The following RPL13A variants were observed in gnomAD, a reference collection of about 807,000 sequenced individuals.
The protein encoded by RPL13A is ribosomal protein L13a.
RPL13A carries 4 observed loss-of-function variants against 30.8 expected under a neutral mutation model. The observed-to-expected ratio is 0.13, with a 90% CI of 0.06 to 0.30. RPL13A has a LOEUF of 0.30. RPL13A is among the 10% of genes least tolerant of loss of function. The pLI, the probability that RPL13A is intolerant of heterozygous loss-of-function variation, is 1.00. For missense variants in RPL13A, 196 were observed against 272.6 expected, an observed-to-expected ratio of 0.72 and a Z score of 1.98; for synonymous variants, 108 against 104.2, an observed-to-expected ratio of 1.04 and a Z score of -0.22.
chr19:49,491,127 T>C (rs749585072), intron 6 of RPL13A, 28 bp downstream of exon 6: 2 of 1,613,530 alleles, frequency 1.2e-6, no homozygotes, highest in South Asian at 1.1e-5. Flanking sequence ...CTGCACCATC[T>C]ACTTGGGAGA....
At chr19:49,488,941 A>G (rs1601159418) in intron 1 of RPL13A, among the ~76,000 whole-genome samples, 2 of 151,654 alleles carry the variant, frequency 1.3e-5, no homozygotes. Context: ...CCTGACCTCA[A>G]CTGATCTGCC....
intron 7 of RPL13A, 29 bp downstream of exon 7, chr19:49,491,576 G>T: frequency 2.6e-6 from 4 of 1,553,968 alleles, no homozygotes; most frequent in South Asian, 1.2e-5. Flanking sequence ...GCTGAGGGGG[G>T]CATCTCACTC....
Position 49,490,152 on chromosome 19 carries a change from CTG to C in RPL13A, c.89-76_89-75del. 13 of 1,348,142 alleles carry C rather than the reference CTG, an allele frequency of 9.6e-6. 1 individual carries two copies. In the South Asian group the frequency reaches 1.4e-4, roughly 15 times the overall value. 83.5% of individuals were successfully genotyped at this position (1,348,142 alleles called of 1,614,324 possible). A position where few individuals can be genotyped will look rare whatever the true frequency, so the allele number is the denominator to read the frequency against. On this transcript the variant is annotated intron_variant, in intron 2 of 7. Transcript: ENST00000391857. Reference sequence around the variant, plus strand: ...GAACTTAGCTCTGGCAAGTACTGCGCTGTGTCTGGAGGGTGACTGCATAGGCA... The same window carrying C: ...GAACTTAGCTCTGGCAAGTACTGCGCTGTCTGGAGGGTGACTGCATAGGCA...
chr19:49,489,122 C>T (rs1433113304), intron 1 of RPL13A, among the ~76,000 whole-genome samples: 3 of 152,186 alleles, frequency 2.0e-5, no homozygotes, highest in Non-Finnish European at 2.9e-5. Context: ...AATCTCATCC[C>T]ACCTGAAATT....
chr19:49,488,298 C>A (rs1448913989), intron 1 of RPL13A, among the ~76,000 whole-genome samples: 1 of 152,056 alleles, frequency 6.6e-6, no homozygotes, highest in Non-Finnish European at 1.5e-5. Context: ...GATGGGACAT[C>A]TTTTGGGCCT....
chr19:49,492,109 T>C lies in RPL13A; in HGVS notation c.*294T>C, dbSNP rs1313625255. On this transcript the variant is annotated 3_prime_UTR_variant, in exon 8 of 8. Coordinates refer to ENST00000391857, the MANE Select transcript of RPL13A (RefSeq NM_012423.4). The stretch of plus-strand genomic sequence containing the variant: ...GGCCCTATCTTGTGAGTGGGGCATC[T>C]GTTGGACTTTCCACCTGGTCATATA... 2 of 372,826 alleles carry C rather than the reference T, an allele frequency of 5.4e-6. No homozygotes were observed. Among genetic ancestry groups the C allele is most frequent in the Admixed American group, 8.0e-5 (2 of 25,088 alleles). 23.1% of individuals were successfully genotyped at this position (372,826 alleles called of 1,614,324 possible). A position where few individuals can be genotyped will look rare whatever the true frequency, so the allele number is the denominator to read the frequency against.
chr19:49,491,400 T>TCCCCCCCCC, intron 6 of RPL13A, 25 bp from the exon 7 acceptor site: 4 of 976,862 alleles, frequency 4.1e-6, no homozygotes, highest in South Asian at 2.9e-5. Context: ...CTTCATTTGT[T>TCCCCCCCCC]CACCCCCCCC....
In RPL13A at chr19:49,491,528, G is replaced by A. The variant is rs568519548; in HGVS notation, c.506G>A (p.Arg169Gln). 1.2e-5 allele frequency: 19 copies of A among 1,521,610 alleles called. No individual in the cohort carries two copies. The highest frequency in any genetic ancestry group is 2.8e-5 in the African/African-American group (2 of 72,318). The allele number at this position is 1,521,610 out of a possible 1,614,324, so 94.3% of individuals were successfully genotyped here. A position where few individuals can be genotyped will look rare whatever the true frequency, so the allele number is the denominator to read the frequency against. ...AAAGAGAAAGCCAAGATCCACTACC[G>A]GAAGAAGAAACAGCTCATGGTGAGG... The part of the protein sequence containing the change: ...KRKEKAKIHY[R>Q]KKKQLMRLRK... The change falls in exon 7 of 8, where the codon CGG becomes CAG. Residue 169 changes from arginine (R) to glutamine (Q), a missense_variant. By Grantham distance (43) the Arg-to-Gln change is conservative. Transcript: ENST00000391857.
At chr19:49,487,948 G>A (rs550031843) in intron 1 of RPL13A, among the ~76,000 whole-genome samples, 1 of 152,202 alleles carries the variant, frequency 6.6e-6, no homozygotes, top group Non-Finnish European at 1.5e-5. Flanking sequence ...CCCTGGGGTA[G>A]AGTCTTGGCC....
At position 49,490,775 on chromosome 19, in the gene RPL13A, A is replaced by C. The variant is rs1370543025; in HGVS notation, c.257-4A>C. 6 of 1,613,998 alleles carry C rather than the reference A, an allele frequency of 3.7e-6. No homozygotes were observed. Among genetic ancestry groups the C allele is most frequent in the Admixed American group, 1.7e-5 (1 of 60,006 alleles). On this transcript the variant is annotated splice_polypyrimidine_tract_variant and splice_region_variant and intron_variant, in intron 4 of 7. Transcript: ENST00000391857. ...GACTGGGCCTGCTATCTGTCACCCAACAGGTATGCTGCCCCACAAAACCAA... is the reference window on the plus strand; with the variant it reads ...GACTGGGCCTGCTATCTGTCACCCACCAGGTATGCTGCCCCACAAAACCAA...
At chr19:49,490,983 G>C (rs200408647) in intron 5 of RPL13A, 57 bp from the exon 6 acceptor site, 2 of 1,609,248 alleles carry the variant, frequency 1.2e-6, no homozygotes, top group Non-Finnish European at 1.7e-6. Flanking sequence ...CAGTCCAGCC[G>C]ACCTCCTTCC....
chr19:49,490,447 C>A (rs202178060), intron 3 of RPL13A, 28 bp from the exon 4 acceptor site: 1 of 1,607,170 alleles, frequency 6.2e-7, no homozygotes, highest in Non-Finnish European at 8.5e-7. Flanking sequence ...GTAGACTGGG[C>A]AGGCCTCACA....
Position 49,490,364 on chromosome 19 carries a change from A to G in RPL13A, c.154+67A>G, listed in dbSNP as rs908570463. 2.5e-5 allele frequency: 40 copies of G among 1,593,654 alleles called. No homozygotes were observed. In the African/African-American group the frequency reaches 3.2e-4, roughly 13 times the overall value. On this transcript the variant is annotated intron_variant, in intron 3 of 7. Transcript: ENST00000391857. ...GTGGGGTGTTGAGGCTCTGAAAGCA[A>G]TTGCAGCCGTGTTGGGAGAGGCTAC...
rs374788029 is a variant in RPL13A, at chr19:49,491,746, C to T, written c.543C>T (p.Ala181=). 3.2e-5 allele frequency: 52 copies of T among 1,613,276 alleles called. No homozygotes were observed. The Middle Eastern group carries it at 8.2e-4, about 26-fold the overall frequency. Reference sequence around the variant, plus strand: ...CTTGGCAGAGGCTACGGAAACAGGCCGAGAAGAACGTGGAGAAGAAAATTG... The same window carrying T: ...CTTGGCAGAGGCTACGGAAACAGGCTGAGAAGAACGTGGAGAAGAAAATTG... ...KKQLMRLRKQ[A]EKNVEKKIDK... is the part of the protein sequence containing the mutation. The change falls in exon 8 of 8, where the codon GCC becomes GCT. Residue 181 remains alanine, a synonymous_variant. Transcript: ENST00000391857.
chr19:49,489,109 C>T (rs2079838903), intron 1 of RPL13A, among the ~76,000 whole-genome samples: 1 of 152,204 alleles, frequency 6.6e-6, no homozygotes. Context: ...GACTACTCTG[C>T]CTAATCTCAT....
chr19:49,491,698 G>C, intron 7 of RPL13A, 31 bp from the exon 8 acceptor site: 1 of 1,606,188 alleles, frequency 6.2e-7, no homozygotes, highest in Non-Finnish European at 8.5e-7. Flanking sequence ...AACCCCTCCT[G>C]ACCACCACCA....
intron 1 of RPL13A, among the ~76,000 whole-genome samples, chr19:49,488,223 G>A (rs1244552050): frequency 6.6e-6 from 1 of 152,110 alleles, no homozygotes; most frequent in African/African-American, 2.4e-5. Flanking sequence ...CGTCGTTTTG[G>A]GGATTGGCGA....
intron 3 of RPL13A, 39 bp from the exon 4 acceptor site, chr19:49,490,436 G>A (rs1286756607): frequency 1.4e-5 from 22 of 1,607,232 alleles, no homozygotes; most frequent in Non-Finnish European, 1.8e-5. Flanking sequence ...TGGGGGTGCT[G>A]GTAGACTGGG....
rs545839422 is a variant in RPL13A, at chr19:49,487,749, A to G, written c.15+105A>G. 12 of 1,206,860 alleles carry G rather than the reference A, an allele frequency of 9.9e-6. No homozygotes were observed. In the Admixed American group the frequency reaches 4.2e-4, roughly 42 times the overall value. The allele number at this position is 1,206,860 out of a possible 1,614,324, so 74.8% of individuals were successfully genotyped here. A position where few individuals can be genotyped will look rare whatever the true frequency, so the allele number is the denominator to read the frequency against. The stretch of plus-strand genomic sequence containing the variant: ...GCATGTTTTGCGGAGCTTAACATCC[A>G]TAATGAAGCAAAATGGAAGTCTTTT... On this transcript the variant is annotated intron_variant, in intron 1 of 7. Coordinates refer to ENST00000391857, the MANE Select transcript of RPL13A (RefSeq NM_012423.4).
Sources: allele counts gnomAD v4.1 joint callset (sites outside exome capture counted in the v4.1 genomes callset), GRCh38; gene constraint gnomAD v4.1.1; transcripts MANE v1.5; gene names NCBI Gene and HGNC (gene_info 2026-07-23, HGNC 2026-07-21).